Variants in SCN9A observed in about 807,000 individuals in gnomAD.
SCN9A encodes the protein sodium voltage-gated channel alpha subunit 9, also known as sodium channel protein type 9 subunit alpha.
SCN9A carries 131 observed loss-of-function variants against 187.0 expected under a neutral mutation model. The ratio of observed to expected loss-of-function variants is 0.70; its 90% CI spans 0.61 to 0.81. The LOEUF (loss-of-function observed/expected upper bound fraction) is 0.81. SCN9A is among the 30% of genes least tolerant of loss of function. The probability of loss-of-function intolerance (pLI) is 0.00; values close to 1 mark genes in which losing one functional copy is unlikely to be tolerated. For synonymous variants in SCN9A, 809 were observed against 808.6 expected (o/e 1.00, Z -0.01); for missense variants, 2,252 against 2,396.6 (o/e 0.94, Z 1.26).
At chr2:166,282,762 G>C (rs1697549481) in intron 12 of SCN9A, among the ~76,000 whole-genome samples, 1 of 152,104 alleles carries the variant, frequency 6.6e-6, no homozygotes, top group South Asian at 2.1e-4. Context: ...ATAGATATGT[G>C]CATGGGTGTA....
At chr2:166,279,713 T>A (rs1697392410) in intron 14 of SCN9A, among the ~76,000 whole-genome samples, 1 of 152,144 alleles carries the variant, frequency 6.6e-6, no homozygotes, top group Non-Finnish European at 1.5e-5. Flanking sequence ...ATAGCTTTAA[T>A]TTATTGTGTA....
At chr2:166,245,549 T>C (rs139949015) in intron 18 of SCN9A, among the ~76,000 whole-genome samples, 11 of 151,986 alleles carry the variant, frequency 7.2e-5, no homozygotes, top group Middle Eastern at 3.4e-3. Flanking sequence ...GATTGAAACA[T>C]TGAAAAATTT....
At position 166,311,743 on chromosome 2, in the gene SCN9A, G is replaced by C; in HGVS notation, c.14C>G (p.Pro5Arg). Residue 5 changes from proline to arginine, a missense_variant, in exon 2 of 27, where the codon CCT becomes CGT. By Grantham distance (103) the Pro-to-Arg change is moderately radical. Coordinates refer to ENST00000642356, the MANE Select transcript of SCN9A (RefSeq NM_001365536.1). ...GACAAAGCTCTGAGGTCCTGGGGGA[G>C]GCAACATTGCCATCTTTTCATCCTG... MAML[P>R]PPGPQSFVHF... 1 of 1,602,584 alleles carries C rather than the reference G, an allele frequency of 6.2e-7. No homozygotes were observed. Among genetic ancestry groups the C allele is most frequent in the Non-Finnish European group, 8.5e-7 (1 of 1,172,698 alleles).
At chr2:166,344,017 G>A (rs1699846243) in intron 1 of SCN9A, among the ~76,000 whole-genome samples, 1 of 152,060 alleles carries the variant, frequency 6.6e-6, no homozygotes, top group South Asian at 2.1e-4. Flanking sequence ...TAACAGATTA[G>A]GATCATGGAG....
intron 17 of SCN9A, 120 bp from the exon 18 acceptor site, chr2:166,252,005 G>A (rs1696064770): frequency 8.8e-7 from 1 of 1,131,214 alleles, no homozygotes; most frequent in Non-Finnish European, 1.3e-6. Flanking sequence ...TTAATAGTAT[G>A]ATGGCCATAA....
At chr2:166,311,162 G>C (rs1366760852) in intron 2 of SCN9A, among the ~76,000 whole-genome samples, 1 of 125,338 alleles carries the variant, frequency 8.0e-6, no homozygotes, top group African/African-American at 3.3e-5. Context: ...ACCAGTTAGT[G>C]GGTGCAGCGC....
chr2:166,368,771 TG>T (rs1472467327), intron 1 of SCN9A, among the ~76,000 whole-genome samples: 2 of 151,690 alleles, frequency 1.3e-5, no homozygotes, highest in African/African-American at 4.9e-5. Context: ...GCAGATCACC[TG>T]AACTCAGGAG....
chr2:166,303,353 A>C (rs1698642922), intron 6 of SCN9A, 51 bp from the exon 7 acceptor site: 2 of 1,384,508 alleles, frequency 1.4e-6, no homozygotes, highest in Non-Finnish European at 1.0e-6. Context: ...CTCTGAATCG[A>C]AACAAAAAAC....
chr2:166,309,048 A>G (rs1698855240), intron 2 of SCN9A, among the ~76,000 whole-genome samples: 1 of 152,076 alleles, frequency 6.6e-6, no homozygotes, highest in African/African-American at 2.4e-5. Flanking sequence ...TTCCTAGAAA[A>G]ATGAAAAGAA....
intron 1 of SCN9A, among the ~76,000 whole-genome samples, chr2:166,357,080 A>C (rs1165600214): frequency 6.6e-6 from 1 of 151,990 alleles, no homozygotes; most frequent in Non-Finnish European, 1.5e-5. Context: ...CCAAGTACTT[A>C]TTAGTTATTT....
chr2:166,266,500 C>T (rs1050455213), intron 17 of SCN9A, among the ~76,000 whole-genome samples: 13 of 150,250 alleles, frequency 8.7e-5, no homozygotes, highest in Non-Finnish European at 1.6e-4. Context: ...AGTGTGAAGC[C>T]ATCAGCTTTG....
chr2:166,225,967 C>G (rs1203407982), intron 24 of SCN9A, among the ~76,000 whole-genome samples: 2 of 152,088 alleles, frequency 1.3e-5, no homozygotes, highest in Admixed American at 6.5e-5. Flanking sequence ...ATATATTTCT[C>G]TTGTTTTAAG....
chr2:166,214,485 C>CCCAACT, intron 24 of SCN9A, among the ~76,000 whole-genome samples: 1 of 150,294 alleles, frequency 6.7e-6, no homozygotes, highest in East Asian at 2.0e-4. Flanking sequence ...CAGAGACAAT[C>CCCAACT]CCAACTCTAC....
rs1423131369 is a variant in SCN9A at position 166,196,630 on chromosome 2, C to A, written c.*2042G>T. ...TTCAAATTTAAGGTGATGTTAAATT[C>A]TTAATTGAATGTATTTAAAAATCTG... On this transcript the variant is annotated 3_prime_UTR_variant, in exon 27 of 27. Transcript: ENST00000642356. 6.6e-6 allele frequency: 1 copy of A among 152,002 alleles called. No homozygotes were observed. Among genetic ancestry groups the A allele is most frequent in the African/African-American group, 2.4e-5 (1 of 41,396 alleles). 9.4% of individuals were successfully genotyped at this position (152,002 alleles called of 1,614,324 possible). A position where few individuals can be genotyped will look rare whatever the true frequency, so the allele number is the denominator to read the frequency against.
intron 14 of SCN9A, among the ~76,000 whole-genome samples, chr2:166,279,654 G>T (rs543552988): frequency 4.3e-4 from 65 of 152,114 alleles, no homozygotes; most frequent in African/African-American, 1.5e-3. Context: ...TTTAAAGCTT[G>T]TTTCATTAAG....
intron 19 of SCN9A, among the ~76,000 whole-genome samples, chr2:166,239,223 A>T (rs1574783187): frequency 4.9e-4 from 1 of 2,058 alleles, no homozygotes; most frequent in Non-Finnish European, 9.8e-4. Flanking sequence ...ACTCTGTCTC[A>T]AAAAAAAAAA....
intron 5 of SCN9A, among the ~76,000 whole-genome samples, chr2:166,305,032 A>G (rs1698708890): frequency 6.6e-6 from 1 of 152,056 alleles, no homozygotes; most frequent in Admixed American, 6.6e-5. Context: ...GTGACCTCAA[A>G]AGGAGGGAGC....
rs752943799 is a variant in SCN9A, at chr2:166,284,465, A to C, written c.1962T>G (p.Thr654=). The C allele has an allele frequency of 1.9e-6, 3 of 1,612,792 alleles. No homozygotes were observed. The African/African-American group carries it at 4.0e-5, about 21-fold the overall frequency. The part of the protein sequence containing the change: ...LLPEVIIDKA[T]SDDSGTTNQI... ...AAAACGTCCTTACGCTGTCATCAGA[A>C]GTTGCCTTATCTATTATCACCTCTG... is the stretch of plus-strand genomic sequence containing the variant. The change falls in exon 12 of 27, where the codon ACT becomes ACG. Residue 654 remains threonine (T), a synonymous_variant. Transcript: ENST00000642356.
intron 7 of SCN9A, among the ~76,000 whole-genome samples, chr2:166,295,080 G>A (rs761729823): frequency 2.0e-4 from 30 of 152,168 alleles, no homozygotes; most frequent in Admixed American, 9.2e-4. Context: ...TTTAAACTAA[G>A]ACCTAAGTGT....
Sources: allele counts gnomAD v4.1 joint callset (sites outside exome capture counted in the v4.1 genomes callset), GRCh38; gene constraint gnomAD v4.1.1; transcripts MANE v1.5; gene names NCBI Gene and HGNC (gene_info 2026-07-23, HGNC 2026-07-21).